Variants in C2orf42 observed in about 807,000 individuals in gnomAD.
C2orf42 encodes the protein chromosome 2 open reading frame 42, also known as uncharacterized protein C2orf42.
Under a neutral mutation model 58.9 loss-of-function variants are expected in C2orf42, and 44 were observed. That is an observed-to-expected ratio of 0.75 (90% CI 0.59 to 0.96). C2orf42 has a LOEUF of 0.96. Among genes scored for constraint, C2orf42 ranks in the 40% least tolerant of loss-of-function variants. The pLI, the probability that C2orf42 is intolerant of heterozygous loss-of-function variation, is 0.00. For synonymous variants in C2orf42, 239 were observed against 265.4 expected (o/e 0.90, Z 0.97); for missense variants, 630 against 699.2 (o/e 0.90, Z 1.12).
At chr2:70,157,755 C>T (rs139960658) in intron 9 of C2orf42, among the ~76,000 whole-genome samples, 3,809 of 152,164 alleles carry the variant, frequency 0.025, 355 homozygotes, top group Admixed American at 0.17. Context: ...CGAGATCGTG[C>T]CACTGCACTC....
rs771210236 is a variant in C2orf42 at position 70,181,569 on chromosome 2, C to T, written c.417G>A (p.Ala139=). The part of the protein sequence containing the change: ...VENQCQHIKL[A]VNCQAEATPL... The stretch of plus-strand genomic sequence containing the variant: ...GGGTGGCCTCTGCCTGGCAGTTCAC[C>T]GCCAGCTTGATGTGCTGGCACTGGT... Residue 139 remains alanine (A), a synonymous_variant, in exon 3 of 10, where the codon GCG becomes GCA. Transcript: ENST00000264434. The T allele has an allele frequency of 9.3e-6, 15 of 1,613,870 alleles. No homozygotes were observed. The highest frequency in any genetic ancestry group is 3.3e-5 in the Admixed American group (2 of 59,972).
chr2:70,169,507 T>A, intron 6 of C2orf42, 50 bp downstream of exon 6: 2 of 959,826 alleles, frequency 2.1e-6, no homozygotes, highest in Non-Finnish European at 3.4e-6. Context: ...CACAATTACC[T>A]TAATTTCTCC....
intron 8 of C2orf42, among the ~76,000 whole-genome samples, chr2:70,161,174 A>C (rs1673029329): frequency 6.6e-6 from 1 of 152,074 alleles, no homozygotes. Context: ...AGCTCACCTC[A>C]CATCCTGTAT....
At chr2:70,185,433 G>A (rs548328998) in intron 1 of C2orf42, among the ~76,000 whole-genome samples, 1 of 151,820 alleles carries the variant, frequency 6.6e-6, no homozygotes, top group South Asian at 2.1e-4. Context: ...AAAAAGACTA[G>A]GCACAGTGGC....
chr2:70,161,364 C>G (rs564815139), intron 8 of C2orf42, among the ~76,000 whole-genome samples: 1 of 152,302 alleles, frequency 6.6e-6, no homozygotes, highest in South Asian at 2.1e-4. Flanking sequence ...CAGTGAGAAG[C>G]TCCATGATGG....
chr2:70,159,591 CA>C (rs56879530), intron 9 of C2orf42, among the ~76,000 whole-genome samples: 26,729 of 109,540 alleles, frequency 0.24, 3,129 homozygotes, highest in African/African-American at 0.43. Flanking sequence ...ACTCCCTCTC[CA>C]AAAAAAAAAA....
intron 2 of C2orf42, 81 bp from the exon 3 acceptor site, chr2:70,182,078 A>G (rs528841072): frequency 2.2e-5 from 15 of 672,490 alleles, no homozygotes; most frequent in Admixed American, 2.9e-5. Context: ...TTTAGTACAG[A>G]AGGCAAAATA....
At position 70,181,713 on chromosome 2, in the gene C2orf42, C is replaced by T. The variant is rs1447814812; in HGVS notation, c.273G>A (p.Glu91=). The change falls in exon 3 of 10, where the codon GAG becomes GAA. Residue 91 remains glutamate, a synonymous_variant. Coordinates refer to ENST00000264434, the MANE Select transcript of C2orf42 (RefSeq NM_017880.3). ...DRGPDYRCFV[E]LGVSETTIQT... is the part of the protein sequence containing the mutation. Reference sequence around the variant, plus strand: ...GGATTGTTGTCTCTGAAACCCCGAGCTCCACAAAGCATCGGTAATCAGGGC... The same window carrying T: ...GGATTGTTGTCTCTGAAACCCCGAGTTCCACAAAGCATCGGTAATCAGGGC... 1.9e-6 allele frequency: 3 copies of T among 1,614,172 alleles called. No individual in the cohort carries two copies. Among genetic ancestry groups the T allele is most frequent in the Non-Finnish European group, 2.5e-6 (3 of 1,180,042 alleles).
At chr2:70,153,310 T>C (rs879366256) in intron 9 of C2orf42, among the ~76,000 whole-genome samples, 26 of 151,770 alleles carry the variant, frequency 1.7e-4, no homozygotes, top group Non-Finnish European at 3.1e-4. Context: ...CCAGCCATCA[T>C]GCAGGAGTGG....
intron 1 of C2orf42, among the ~76,000 whole-genome samples, chr2:70,186,045 G>A (rs1234709932): frequency 6.7e-6 from 1 of 149,368 alleles, no homozygotes; most frequent in African/African-American, 2.5e-5. Context: ...GTCCTCTGGA[G>A]GCAAAACTGC....
chr2:70,184,964 C>G (rs1156517489), intron 1 of C2orf42, among the ~76,000 whole-genome samples: 2 of 151,758 alleles, frequency 1.3e-5, no homozygotes, highest in African/African-American at 4.8e-5. Context: ...GTGGCGGGCA[C>G]CTGTAGTCCC....
At chr2:70,161,397 C>T (rs1466193433) in intron 8 of C2orf42, among the ~76,000 whole-genome samples, 2 of 152,218 alleles carry the variant, frequency 1.3e-5, no homozygotes, top group African/African-American at 2.4e-5. Flanking sequence ...TCCCACATGC[C>T]TGCACCCTGA....
chr2:70,171,921 G>A (rs547774728), intron 5 of C2orf42, among the ~76,000 whole-genome samples: 127 of 151,806 alleles, frequency 8.4e-4, no homozygotes, highest in Middle Eastern at 6.8e-3. Context: ...TTTAGAGGTC[G>A]GAGTCAAAAG....
At chr2:70,151,601 T>C (rs1386853790) in intron 9 of C2orf42, among the ~76,000 whole-genome samples, 1 of 151,220 alleles carries the variant, frequency 6.6e-6, no homozygotes, top group Non-Finnish European at 1.5e-5. Context: ...ACCACTTCAC[T>C]CCACCCTGGG....
intron 3 of C2orf42, 148 bp from the exon 4 acceptor site, chr2:70,179,790 C>CA (rs985752343): frequency 7.2e-6 from 3 of 416,340 alleles, no homozygotes; most frequent in Non-Finnish European, 1.3e-5. Flanking sequence ...CCCAACTCTA[C>CA]AAAAAATAAA....
At chr2:70,190,755 G>C (rs1675302837) in intron 1 of C2orf42, 1 of 152,240 alleles carries the variant, frequency 6.6e-6, no homozygotes, top group Admixed American at 6.5e-5. Context: ...CCTGCTTCCC[G>C]GCATCCTCCC....
chr2:70,149,932 C>G lies in C2orf42; in HGVS notation c.*424G>C, dbSNP rs575680829. On this transcript the variant is annotated 3_prime_UTR_variant, in exon 10 of 10. Transcript: ENST00000264434. ...CTTTATTTGAGAACAGAATAAAGAG[C>G]GTGGCTGGAACTCTGCCAAGATGGT... is the stretch of plus-strand genomic sequence containing the variant. 5.4e-6 allele frequency: 1 copy of G among 184,838 alleles called. No individual in the cohort carries two copies. The highest frequency in any genetic ancestry group is 1.1e-5 in the Non-Finnish European group (1 of 87,834). The allele number at this position is 184,838 out of a possible 1,614,324, so 11.4% of individuals were successfully genotyped here.
At chr2:70,155,238 T>A (rs1174793091) in intron 9 of C2orf42, among the ~76,000 whole-genome samples, 1 of 151,416 alleles carries the variant, frequency 6.6e-6, no homozygotes, top group African/African-American at 2.4e-5. Flanking sequence ...CAAGACTCCA[T>A]CTAAAAAAAT....
chr2:70,176,659 C>T (rs560956599), intron 4 of C2orf42, among the ~76,000 whole-genome samples: 1 of 151,948 alleles, frequency 6.6e-6, no homozygotes, highest in East Asian at 1.9e-4. Context: ...GCTATATTGC[C>T]CAGGCTGGAA....
Sources: allele counts gnomAD v4.1 joint callset (sites outside exome capture counted in the v4.1 genomes callset), GRCh38; gene constraint gnomAD v4.1.1; transcripts MANE v1.5; gene names NCBI Gene and HGNC (gene_info 2026-07-23, HGNC 2026-07-21).